ARHGAP20: variants seen among roughly 807,000 people sequenced by gnomAD.
The protein encoded by ARHGAP20 is Rho GTPase activating protein 20.
A neutral mutation model predicts 73.7 loss-of-function variants in ARHGAP20; 34 were observed. The ratio of observed to expected loss-of-function variants is 0.46; its 90% CI spans 0.35 to 0.61. The LOEUF is 0.61. ARHGAP20 is among the 20% of genes least tolerant of loss of function. The pLI is 0.00. For synonymous variants in ARHGAP20, 523 were observed against 518.2 expected (o/e 1.01, Z -0.13); for missense variants, 1,314 against 1,420.9 (o/e 0.92, Z 1.21).
chr11:110,581,689 A>G (rs183459844), intron 14 of ARHGAP20, among the ~76,000 whole-genome samples: 243 of 152,334 alleles, frequency 1.6e-3, no homozygotes, highest in Non-Finnish European at 2.6e-3. Flanking sequence ...CAACCATAAA[A>G]GTTAGACATT....
At chr11:110,588,989 G>A (rs1236607090) in intron 11 of ARHGAP20, among the ~76,000 whole-genome samples, 1 of 151,922 alleles carries the variant, frequency 6.6e-6, no homozygotes, top group East Asian at 1.9e-4. Context: ...GGAGAATGGC[G>A]TGAACCCAGG....
At chr11:110,583,429 AT>A in intron 13 of ARHGAP20, 118 bp downstream of exon 13, 1 of 942,410 alleles carries the variant, frequency 1.1e-6, no homozygotes, top group Non-Finnish European at 1.5e-6. Flanking sequence ...GTAAAGTCAA[AT>A]TTATAAGGAT....
intron 2 of ARHGAP20, among the ~76,000 whole-genome samples, chr11:110,657,892 C>CAA (rs796616014): frequency 1.3e-5 from 1 of 76,224 alleles, no homozygotes; most frequent in African/African-American, 4.9e-5. Flanking sequence ...GAGACTCCGA[C>CAA]AAAAAAAAAA....
chr11:110,667,909 A>G (rs1318312836), intron 2 of ARHGAP20, among the ~76,000 whole-genome samples: 2 of 152,170 alleles, frequency 1.3e-5, no homozygotes, highest in Non-Finnish European at 2.9e-5. Flanking sequence ...TCTCACAATA[A>G]AGTTGCTTCT....
intron 2 of ARHGAP20, among the ~76,000 whole-genome samples, chr11:110,679,681 C>G (rs1950001039): frequency 6.6e-6 from 1 of 152,124 alleles, no homozygotes; most frequent in Admixed American, 6.5e-5. Flanking sequence ...TCTCCCCTCC[C>G]CTATCACCAA....
chr11:110,706,950 A>T (rs1262887338), intron 1 of ARHGAP20, among the ~76,000 whole-genome samples: 4 of 152,120 alleles, frequency 2.6e-5, no homozygotes, highest in African/African-American at 9.7e-5. Flanking sequence ...GAAGAGTAAA[A>T]CTAAAGCTTA....
chr11:110,682,278 A>G lies in ARHGAP20; in HGVS notation c.188+8269T>C, dbSNP rs192156391. On this transcript the variant is annotated intron_variant, in intron 2 of 14. Transcript: ENST00000683387. ...CTACTAACAATAATAAATAGCTTAC[A>G]TACATATGTAGCACTGATTATGTAC... Among the ~76,000 whole-genome samples, 529 of 152,326 alleles carry G rather than the reference A, an allele frequency of 3.5e-3. 3 individuals are homozygous for G. The highest frequency in any genetic ancestry group is 0.012 in the African/African-American group (496 of 41,572).
At chr11:110,684,094 T>C (rs1950086885) in intron 2 of ARHGAP20, among the ~76,000 whole-genome samples, 1 of 152,138 alleles carries the variant, frequency 6.6e-6, no homozygotes, top group African/African-American at 2.4e-5. Flanking sequence ...CTATGAACAA[T>C]AAATGTCTAA....
chr11:110,712,206 T>C lies in ARHGAP20; in HGVS notation c.26A>G (p.Glu9Gly). 7.3e-7 allele frequency: 1 copy of C among 1,368,014 alleles called. No individual in the cohort carries two copies. The highest frequency in any genetic ancestry group is 9.5e-7 in the Non-Finnish European group (1 of 1,053,810). 84.7% of individuals were successfully genotyped at this position (1,368,014 alleles called of 1,614,324 possible). Reference protein sequence around the residue: MEAMSPQQETLGGQPGRSS... With the variant: MEAMSPQQGTLGGQPGRSS... ...GCGCCCCGGCTGTCCCCCTAGAGTC[T>C]CCTGCTGGGGGGACATCGCTTCCAT... The change falls in exon 1 of 15, where the codon GAG becomes GGG. Residue 9 changes from glutamate (E) to glycine (G), a missense_variant. Around this residue, in one of 3 missense-constraint regions of ARHGAP20, gnomAD observed 443 missense variants for 466.4 expected, o/e 0.95. Coordinates refer to ENST00000683387, the MANE Select transcript of ARHGAP20 (RefSeq NM_001384657.1).
rs370452626 is a variant in ARHGAP20, at chr11:110,701,901, G to A, written c.105+10226C>T. Among the ~76,000 whole-genome samples, 107 of 152,096 alleles carry A rather than the reference G, an allele frequency of 7.0e-4. No individual in the cohort carries two copies. The East Asian group carries it at 0.012, about 17-fold the overall frequency. ...AAAGATCAGATAGTTGTAGATATGC[G>A]GCGTTATTTCTGAGTGCTCTGTTCT... On this transcript the variant is annotated intron_variant, in intron 1 of 14. Transcript: ENST00000683387.
At chr11:110,672,131 A>G (rs1949840293) in intron 2 of ARHGAP20, among the ~76,000 whole-genome samples, 1 of 152,206 alleles carries the variant, frequency 6.6e-6, no homozygotes, top group Non-Finnish European at 1.5e-5. Context: ...CACAAAATCA[A>G]TAAGCTTTAC....
At chr11:110,616,288 T>C (rs1948480204) in intron 4 of ARHGAP20, among the ~76,000 whole-genome samples, 1 of 152,204 alleles carries the variant, frequency 6.6e-6, no homozygotes, top group Non-Finnish European at 1.5e-5. Flanking sequence ...CTGATTTCAC[T>C]ATTACGTTTA....
At chr11:110,647,239 C>T (rs1014676841) in intron 2 of ARHGAP20, among the ~76,000 whole-genome samples, 1 of 151,964 alleles carries the variant, frequency 6.6e-6, no homozygotes, top group African/African-American at 2.4e-5. Context: ...TTTGAAACAC[C>T]TCTTAGATAT....
At chr11:110,583,825 G>A in intron 12 of ARHGAP20, 88 bp from the exon 13 acceptor site, 1 of 1,124,546 alleles carries the variant, frequency 8.9e-7, no homozygotes, top group Non-Finnish European at 1.2e-6. Flanking sequence ...TGGGGAAGAG[G>A]GAAATCAAGA....
chr11:110,643,980 T>C (rs781653196), intron 2 of ARHGAP20, among the ~76,000 whole-genome samples: 2 of 152,116 alleles, frequency 1.3e-5, no homozygotes, highest in African/African-American at 2.4e-5. Flanking sequence ...TCATAGTGAA[T>C]TGAACCCTTT....
In ARHGAP20 at chr11:110,599,831, G is replaced by A. The variant is rs372688856; in HGVS notation, c.964+6730C>T. Among the ~76,000 whole-genome samples the A allele has an allele frequency of 5.6e-4, 85 of 152,276 alleles. 3 individuals carry two copies. The South Asian group carries it at 8.5e-3, about 15-fold the overall frequency. On this transcript the variant is annotated intron_variant, in intron 9 of 14. Coordinates refer to ENST00000683387, the MANE Select transcript of ARHGAP20 (RefSeq NM_001384657.1). Reference sequence around the variant, plus strand: ...GATGTGAGGATGACCAGCCTGCAGAGAGGAGCTACCCACTCCAGGGCCTCC... The same window carrying A: ...GATGTGAGGATGACCAGCCTGCAGAAAGGAGCTACCCACTCCAGGGCCTCC...
At chr11:110,674,156 G>C (rs937700508) in intron 2 of ARHGAP20, among the ~76,000 whole-genome samples, 3 of 151,966 alleles carry the variant, frequency 2.0e-5, no homozygotes, top group Admixed American at 6.6e-5. Flanking sequence ...GGATGTTCTC[G>C]ATCTCTTGAC....
At chr11:110,601,101 C>T (rs1948099440) in intron 9 of ARHGAP20, among the ~76,000 whole-genome samples, 1 of 152,138 alleles carries the variant, frequency 6.6e-6, no homozygotes, top group South Asian at 2.1e-4. Context: ...CCCTTTGTTT[C>T]CAGGGGAGAA....
chr11:110,633,858 T>C (rs1345528378), intron 2 of ARHGAP20, among the ~76,000 whole-genome samples: 1 of 152,142 alleles, frequency 6.6e-6, no homozygotes, highest in African/African-American at 2.4e-5. Flanking sequence ...CAGGTAGGCA[T>C]GCAGCACTTG....
Sources: allele counts gnomAD v4.1 joint callset (sites outside exome capture counted in the v4.1 genomes callset), GRCh38; gene constraint gnomAD v4.1.1; regional missense constraint gnomAD v4.1.1; transcripts MANE v1.5; gene names NCBI Gene and HGNC (gene_info 2026-07-23, HGNC 2026-07-21).